COPB2: variants seen among roughly 807,000 people sequenced by gnomAD.
The protein encoded by COPB2 is coatomer subunit beta'.
In COPB2, 16 loss-of-function variants were observed where a neutral mutation model predicts 120.8. The observed-to-expected ratio is 0.13, with a 90% CI of 0.09 to 0.20. COPB2 has a LOEUF of 0.20. Ranked by LOEUF, COPB2 falls within the 10% of genes least tolerant of loss-of-function variation. The pLI, the probability that COPB2 is intolerant of heterozygous loss-of-function variation, is 1.00. For missense variants in COPB2, 794 were observed against 1,076.5 expected, an observed-to-expected ratio of 0.74 and a Z score of 3.67; for synonymous variants, 332 against 366.3, an observed-to-expected ratio of 0.91 and a Z score of 1.07.
rs772103492 is a variant in COPB2 at position 139,361,315 on chromosome 3, A to C, written c.1996-20T>G. On this transcript the variant is annotated intron_variant, in intron 16 of 21. Coordinates refer to ENST00000333188, the MANE Select transcript of COPB2 (RefSeq NM_004766.3). ...TTCTGACTGTAAGAAAAGAGTTTCCAAGTTAAAATATCTTTAGAAATAAGC... is the reference window on the plus strand; with the variant it reads ...TTCTGACTGTAAGAAAAGAGTTTCCCAGTTAAAATATCTTTAGAAATAAGC... 1.4e-5 allele frequency: 22 copies of C among 1,598,384 alleles called. No homozygotes were observed. Among genetic ancestry groups the C allele is most frequent in the African/African-American group, 2.7e-5 (2 of 74,452 alleles).
chr3:139,380,885 C>G (rs1263795287), intron 2 of COPB2: 1 of 152,170 alleles, frequency 6.6e-6, no homozygotes, highest in African/African-American at 2.4e-5. Flanking sequence ...GAGGAGCCAA[C>G]AAATCCAGGG....
chr3:139,358,048 A>AT, intron 21 of COPB2, 90 bp from the exon 22 acceptor site: 1 of 1,030,408 alleles, frequency 9.7e-7, no homozygotes, highest in South Asian at 1.6e-5. Context: ...GAGAACTAAG[A>AT]TTTTCTTAAT....
intron 15 of COPB2, among the ~76,000 whole-genome samples, chr3:139,363,400 G>A (rs1366010283): frequency 2.0e-5 from 3 of 152,136 alleles, no homozygotes; most frequent in African/African-American, 7.2e-5. Context: ...TCTAGGTTCT[G>A]TGCTCTTTAT....
chr3:139,365,269 T>TC (rs1186643303), intron 15 of COPB2, among the ~76,000 whole-genome samples: 1 of 152,106 alleles, frequency 6.6e-6, no homozygotes, highest in Non-Finnish European at 1.5e-5. Flanking sequence ...TCAGAAAGTT[T>TC]CCACAGAGAA....
Position 139,361,265 on chromosome 3 carries a change from G to A in COPB2, c.2026C>T (p.Leu676Phe), listed in dbSNP as rs765983959. The A allele has an allele frequency of 1.7e-5, 28 of 1,614,092 alleles. No individual in the cohort carries two copies. The highest frequency in any genetic ancestry group is 2.1e-5 in the Non-Finnish European group (25 of 1,180,044). Reference protein sequence around the residue: ...SEQKWKQLAELAISKCQFGLA... With the variant: ...SEQKWKQLAEFAISKCQFGLA... ...CCAAACTGACATTTACTAATGGCAA[G>A]TTCAGCAAGTTGTTTCCACTTCTGT... Residue 676 changes from leucine (L) to phenylalanine (F), a missense_variant, in exon 17 of 22, where the codon CTT (leucine) becomes TTT (phenylalanine). By Grantham distance (22) the Leu-to-Phe change is conservative. Coordinates refer to ENST00000333188, the MANE Select transcript of COPB2 (RefSeq NM_004766.3).
intron 13 of COPB2, 148 bp from the exon 14 acceptor site, chr3:139,367,293 AT>A (rs200861935): frequency 0.16 from 107,973 of 670,436 alleles, 1 homozygote; most frequent in South Asian, 0.23. Context: ...TTTCCTTGGA[AT>A]TTTTTTTTTT....
intron 21 of COPB2, 69 bp downstream of exon 21, chr3:139,358,131 C>A: frequency 7.2e-7 from 1 of 1,387,384 alleles, no homozygotes; most frequent in Admixed American, 1.7e-5. Flanking sequence ...CAGAGGCCTA[C>A]GTATCCTCCA....
At chr3:139,362,539 A>C in intron 15 of COPB2, 22 bp from the exon 16 acceptor site, 3 of 1,491,056 alleles carry the variant, frequency 2.0e-6, no homozygotes, top group Non-Finnish European at 2.7e-6. Flanking sequence ...TTTAAAAATT[A>C]TATATATTTA....
In COPB2 at chr3:139,375,525, G is replaced by A; in HGVS notation, c.594C>T (p.Asp198=). 1 of 1,589,780 alleles carries A rather than the reference G, an allele frequency of 6.3e-7. No individual in the cohort carries two copies. Among genetic ancestry groups the A allele is most frequent in the South Asian group, 1.1e-5 (1 of 87,602 alleles). Residue 198 remains aspartate, a synonymous_variant, in exon 6 of 22, where the codon GAC becomes GAT. Coordinates refer to ENST00000333188, the MANE Select transcript of COPB2 (RefSeq NM_004766.3). ...CTGCACCTGAAATGAGGTATGGCTT[G>A]TCCCCACCACTGTAGTAATCAATGC... The part of the protein sequence containing the change: ...VNCIDYYSGG[D]KPYLISGADD...
intron 2 of COPB2, chr3:139,381,199 C>T (rs554988358): frequency 1.3e-5 from 2 of 152,286 alleles, no homozygotes; most frequent in Admixed American, 6.5e-5. Flanking sequence ...AAAGGCTTGC[C>T]TATATAATTT....
chr3:139,361,419 T>G (rs1941417477), intron 16 of COPB2, 124 bp from the exon 17 acceptor site: 1 of 931,370 alleles, frequency 1.1e-6, no homozygotes. Flanking sequence ...GTTGGCTCTA[T>G]CAAAATAAGA....
At chr3:139,364,542 A>T (rs1005768241) in intron 15 of COPB2, among the ~76,000 whole-genome samples, 3 of 152,180 alleles carry the variant, frequency 2.0e-5, no homozygotes, top group Admixed American at 2.0e-4. Context: ...GTGACTGGGG[A>T]GCTTTTCAGT....
chr3:139,389,650 G>A (rs1365048933), upstream of COPB2: 2 of 1,254,592 alleles, frequency 1.6e-6, no homozygotes, highest in Non-Finnish European at 2.2e-6. Context: ...GACTGACGTG[G>A]AACTTCCGGG....
chr3:139,362,414 T>G lies in COPB2; in HGVS notation c.1988A>C (p.Glu663Ala). 6.2e-7 allele frequency: 1 copy of G among 1,607,606 alleles called. No homozygotes were observed. The highest frequency in any genetic ancestry group is 8.5e-7 in the Non-Finnish European group (1 of 1,175,844). ...TCATGAATTAGTACATACCTCTGCT[T>G]CCACTGCTAACTGGTATGCAATTTT... ...ELKIAYQLAVEAESEQKWKQL... is the reference protein window; with the variant it reads ...ELKIAYQLAVAAESEQKWKQL... The change falls in exon 16 of 22, where the codon GAA becomes GCA. Residue 663 changes from glutamate to alanine, a missense_variant. Physicochemically the swap from Glu to Ala is moderately radical, Grantham distance 107. Around this residue, in one of 3 missense-constraint regions of COPB2, gnomAD observed 610 missense variants for 866.7 expected, o/e 0.70. Coordinates refer to ENST00000333188, the MANE Select transcript of COPB2 (RefSeq NM_004766.3).
chr3:139,364,723 TC>T (rs1424473469), intron 15 of COPB2, among the ~76,000 whole-genome samples: 1 of 152,114 alleles, frequency 6.6e-6, no homozygotes, highest in African/African-American at 2.4e-5. Flanking sequence ...ACATTGAGAC[TC>T]CCTAATCAAA....
In COPB2 at chr3:139,358,331, T is replaced by C. The variant is rs1941333636; in HGVS notation, c.2554-60A>G. On this transcript the variant is annotated intron_variant, in intron 20 of 21. Transcript: ENST00000333188. Reference sequence around the variant, plus strand: ...GGGAATTTACTCGGGAATTTAAAGTTTTCCCCCAAGAAAAGGATGATCAGA... The same window carrying C: ...GGGAATTTACTCGGGAATTTAAAGTCTTCCCCCAAGAAAAGGATGATCAGA... 2.1e-6 allele frequency: 3 copies of C among 1,443,088 alleles called. No homozygotes were observed. The African/African-American group carries it at 4.2e-5, about 20-fold the overall frequency. 89.4% of individuals were successfully genotyped at this position (1,443,088 alleles called of 1,614,324 possible).
chr3:139,376,688 CAT>C (rs1941717834), intron 5 of COPB2, among the ~76,000 whole-genome samples: 1 of 152,158 alleles, frequency 6.6e-6, no homozygotes, highest in African/African-American at 2.4e-5. Flanking sequence ...TGAAAGCAAA[CAT>C]GTAAGCAAAA....
At chr3:139,376,245 C>T (rs1008542795) in intron 5 of COPB2, among the ~76,000 whole-genome samples, 1 of 151,738 alleles carries the variant, frequency 6.6e-6, no homozygotes, top group Non-Finnish European at 1.5e-5. Context: ...CAACACAGAC[C>T]GTAACTCAAA....
At position 139,379,548 on chromosome 3, in the gene COPB2, AT is replaced by A. The variant is rs952806954; in HGVS notation, c.142-83del. ...TACTCTGTTATATTTCAAACATCCA[AT>A]TTTTAAGATCACTTCTCATTTTAGT... On this transcript the variant is annotated intron_variant, in intron 2 of 21. Transcript: ENST00000333188. The A allele has an allele frequency of 6.4e-6, 7 of 1,086,766 alleles. No individual in the cohort carries two copies. In the Admixed American group the frequency reaches 8.7e-5, roughly 13 times the overall value. 67.3% of individuals were successfully genotyped at this position (1,086,766 alleles called of 1,614,324 possible).
Sources: gnomAD v4.1 joint callset for allele counts (sites outside exome capture counted in the v4.1 genomes callset) on GRCh38, gnomAD v4.1.1 for gene constraint, gnomAD v4.1.1 regional missense constraint, MANE v1.5 for transcripts, NCBI Gene and HGNC (gene_info 2026-07-23, HGNC 2026-07-21) for gene names.